Variants in MCTP1 observed in about 807,000 individuals in gnomAD.
MCTP1 encodes multiple C2 and transmembrane domain-containing protein 1.
A neutral mutation model predicts 120.6 loss-of-function variants in MCTP1; 69 were observed. That is an observed-to-expected ratio of 0.57 (90% CI 0.47 to 0.70). The LOEUF is 0.70. MCTP1 is among the 30% of genes least tolerant of loss of function. The probability of loss-of-function intolerance (pLI) is 0.00; values close to 1 mark genes in which losing one functional copy is unlikely to be tolerated. For missense variants in MCTP1, 1,203 were observed against 1,248.8 expected (o/e 0.96, Z 0.55); for synonymous variants, 529 against 493.1 (o/e 1.07, Z -0.96).
In MCTP1 at chr5:95,110,194, ACT is replaced by A. The variant is rs199559598; in HGVS notation, c.721-92712_721-92711del. On this transcript the variant is annotated intron_variant, in intron 1 of 22. Transcript: ENST00000515393. ...GCTTACTCTCTAACAAGATTTATGG[ACT>A]CTCTGCCATAATATAGATAATGTGA... Among the ~76,000 whole-genome samples the A allele has an allele frequency of 4.4e-3, 666 of 151,978 alleles. 12 individuals are homozygous for A. The highest frequency in any genetic ancestry group is 0.015 in the African/African-American group (635 of 41,438).
chr5:95,136,218 C>T (rs968277558), intron 1 of MCTP1, among the ~76,000 whole-genome samples: 2 of 152,188 alleles, frequency 1.3e-5, no homozygotes, highest in Non-Finnish European at 2.9e-5. Flanking sequence ...AATGAAATAT[C>T]ACTCCTCTGT....
At position 94,748,489 on chromosome 5, in the gene MCTP1, A is replaced by G. The variant is rs1429048733; in HGVS notation, c.2610+30621T>C. Among the ~76,000 whole-genome samples the G allele has an allele frequency of 1.6e-4, 24 of 152,206 alleles. 1 individual carries two copies. The highest frequency in any genetic ancestry group is 1.6e-3 in the Admixed American group (24 of 15,286). On this transcript the variant is annotated intron_variant, in intron 19 of 22. Transcript: ENST00000515393. ...ATAGGTACATACATCCTTTGTGGCT[A>G]CAGGACAAAACCCATGATTGCCTGA... is the stretch of plus-strand genomic sequence containing the variant.
At chr5:95,108,515 G>A (rs1010158289) in intron 1 of MCTP1, among the ~76,000 whole-genome samples, 12 of 152,162 alleles carry the variant, frequency 7.9e-5, no homozygotes, top group African/African-American at 2.9e-4. Context: ...CCGAGGGGAT[G>A]GAAATTGCAA....
intron 1 of MCTP1, among the ~76,000 whole-genome samples, chr5:95,283,041 A>C (rs1438873333): frequency 6.6e-6 from 1 of 152,236 alleles, no homozygotes; most frequent in African/African-American, 2.4e-5. Flanking sequence ...AATTAAAATG[A>C]TTTGATAAAC....
intron 1 of MCTP1, among the ~76,000 whole-genome samples, chr5:95,268,032 G>A (rs1273050050): frequency 6.6e-6 from 1 of 152,184 alleles, no homozygotes; most frequent in Non-Finnish European, 1.5e-5. Context: ...AGGGAAACCT[G>A]ATCTGATCCT....
intron 1 of MCTP1, among the ~76,000 whole-genome samples, chr5:95,082,656 A>G (rs936759052): frequency 2.0e-5 from 3 of 152,196 alleles, no homozygotes; most frequent in Admixed American, 6.5e-5. Context: ...TGTCTAAAAC[A>G]TCATCATTTC....
intron 1 of MCTP1, among the ~76,000 whole-genome samples, chr5:95,113,335 T>C (rs1003911100): frequency 1.3e-5 from 2 of 152,068 alleles, no homozygotes; most frequent in Admixed American, 6.5e-5. Flanking sequence ...TGAGCACTTA[T>C]AGTACCATGT....
intron 1 of MCTP1, among the ~76,000 whole-genome samples, chr5:95,107,397 GA>G (rs1231027447): frequency 6.6e-6 from 1 of 152,094 alleles, no homozygotes; most frequent in East Asian, 1.9e-4. Context: ...TCAAAAAAGA[GA>G]CATTTCCCAA....
In MCTP1 at chr5:95,254,266, G is replaced by A. The variant is rs77749431; in HGVS notation, c.720+29590C>T. Among the ~76,000 whole-genome samples the A allele has an allele frequency of 5.0e-3, 765 of 152,154 alleles. 9 individuals carry two copies. The highest frequency in any genetic ancestry group is 0.017 in the African/African-American group (725 of 41,512). On this transcript the variant is annotated intron_variant, in intron 1 of 22. Coordinates refer to ENST00000515393, the MANE Select transcript of MCTP1 (RefSeq NM_024717.7). The stretch of plus-strand genomic sequence containing the variant: ...ACATTTGTTACGGCTAACATTTGAG[G>A]GCTCCCTACGTACCAACCACTGGTT...
chr5:95,218,366 T>A (rs966424109), intron 1 of MCTP1, among the ~76,000 whole-genome samples: 1 of 152,130 alleles, frequency 6.6e-6, no homozygotes, highest in Non-Finnish European at 1.5e-5. Context: ...GGAGAGTGAG[T>A]GAGGCTATTT....
At chr5:95,134,132 TAA>T (rs985954040) in intron 1 of MCTP1, among the ~76,000 whole-genome samples, 3 of 152,344 alleles carry the variant, frequency 2.0e-5, no homozygotes, top group African/African-American at 7.2e-5. Context: ...ATCTATTCTA[TAA>T]ATAGGTGAGA....
At chr5:94,710,672 A>AT in intron 21 of MCTP1, 146 bp downstream of exon 21, 2 of 585,472 alleles carry the variant, frequency 3.4e-6, no homozygotes, top group Non-Finnish European at 6.0e-6. Context: ...TACTGTTGTG[A>AT]TTTTTAACCA....
chr5:95,047,112 C>A (rs999120394), intron 1 of MCTP1, among the ~76,000 whole-genome samples: 2 of 152,118 alleles, frequency 1.3e-5, no homozygotes, highest in Admixed American at 1.3e-4. Flanking sequence ...ATTTACAGTT[C>A]TTGTATCATA....
intron 10 of MCTP1, among the ~76,000 whole-genome samples, chr5:94,900,296 C>A (rs901016846): frequency 2.3e-4 from 35 of 152,190 alleles, no homozygotes; most frequent in African/African-American, 8.2e-4. Flanking sequence ...TTCTTAATAT[C>A]CTGAAATGCC....
At chr5:95,033,575 T>C (rs1840684723) in intron 1 of MCTP1, among the ~76,000 whole-genome samples, 1 of 151,930 alleles carries the variant, frequency 6.6e-6, no homozygotes, top group Non-Finnish European at 1.5e-5. Context: ...AGGAAACATA[T>C]CTCAAAATAA....
At chr5:94,832,619 C>T (rs1416441914) in intron 17 of MCTP1, among the ~76,000 whole-genome samples, 1 of 140,260 alleles carries the variant, frequency 7.1e-6, no homozygotes, top group African/African-American at 2.9e-5. Context: ...AACACACACA[C>T]ACACACACAC....
intron 2 of MCTP1, among the ~76,000 whole-genome samples, chr5:95,005,217 T>C (rs1274477089): frequency 1.3e-5 from 2 of 152,182 alleles, no homozygotes; most frequent in Non-Finnish European, 2.9e-5. Context: ...AATGGGAGCA[T>C]TTACCCAATG....
In MCTP1 at chr5:94,876,504, AG is replaced by A. The variant is rs199661344; in HGVS notation, c.1934-3264del. Among the ~76,000 whole-genome samples, 1,099 of 152,238 alleles carry A rather than the reference AG, an allele frequency of 7.2e-3. 8 individuals are homozygous for A. The highest frequency in any genetic ancestry group is 0.012 in the Non-Finnish European group (828 of 67,994). On this transcript the variant is annotated intron_variant, in intron 12 of 22. Transcript: ENST00000515393. Reference sequence around the variant, plus strand: ...AGAATGAAGGCAGCATCCAAAGTTGAGGGATATTTTGTTTCTGATAATTTTT... The same window carrying A: ...AGAATGAAGGCAGCATCCAAAGTTGAGGATATTTTGTTTCTGATAATTTTT...
intron 19 of MCTP1, among the ~76,000 whole-genome samples, chr5:94,750,237 C>T (rs917017992): frequency 6.6e-6 from 1 of 152,350 alleles, no homozygotes; most frequent in East Asian, 1.9e-4. Flanking sequence ...CTCATCATTG[C>T]TGTTCCCCTA....
Sources: allele counts gnomAD v4.1 joint callset (sites outside exome capture counted in the v4.1 genomes callset), GRCh38; gene constraint gnomAD v4.1.1; transcripts MANE v1.5; gene names NCBI Gene and HGNC (gene_info 2026-07-23, HGNC 2026-07-21).